Variants in F8 observed in about 807,000 individuals in gnomAD.
The protein encoded by F8 is coagulation factor VIII, also known as antihemophilic factor.
Under a neutral mutation model 140.6 loss-of-function variants are expected in F8, and 12 were observed. The observed-to-expected ratio is 0.09, with a 90% CI of 0.05 to 0.14. F8 has a LOEUF of 0.14. Among genes scored for constraint, F8 ranks in the 10% least tolerant of loss-of-function variants. F8 has a pLI of 1.00. For synonymous variants in F8, 585 were observed against 614.6 expected (o/e 0.95, Z 0.71); for missense variants, 1,354 against 1,720.7 (o/e 0.79, Z 3.77).
intron 3 of F8, 51 bp from the exon 4 acceptor site, chrX:154,993,199 A>G (rs2073598382): frequency 9.8e-7 from 1 of 1,015,846 alleles, no homozygotes; most frequent in African/African-American, 1.9e-5. Context: ...TGTACACTCA[A>G]AGAAACATGT....
intron 6 of F8, 144 bp downstream of exon 6, chrX:154,984,543 C>A: frequency 3.7e-6 from 2 of 539,309 alleles, no homozygotes; most frequent in Non-Finnish European, 6.6e-6. Flanking sequence ...GCCTACTATA[C>A]ATTAAGATCC....
Position 154,961,168 on chromosome X carries a change from T to C in F8, c.1444A>G (p.Ile482Val). 8.7e-7 allele frequency: 1 copy of C among 1,149,886 alleles called. No individual in the cohort carries two copies. The highest frequency in any genetic ancestry group is 1.2e-6 in the Non-Finnish European group (1 of 839,599). 94.8% of individuals were successfully genotyped at this position (1,149,886 alleles called of 1,213,427 possible). A position where few individuals can be genotyped will look rare whatever the true frequency, so the allele number is the denominator to read the frequency against. The change falls in exon 10 of 26, where the codon ATT becomes GTT. Residue 482 changes from isoleucine to valine, a missense_variant and splice_region_variant. Transcript: ENST00000360256. ...LYGEVGDTLL[I>V]IFKNQASRPY... is the part of the protein sequence containing the mutation. ...CTGCTTGCTTGATTCTTAAATATAATCTGAAAGTATAAGCGAGATCTAAGA... is the reference window on the plus strand; with the variant it reads ...CTGCTTGCTTGATTCTTAAATATAACCTGAAAGTATAAGCGAGATCTAAGA...
chrX:154,899,112 C>T (rs1250877260), intron 21 of F8, among the ~76,000 whole-genome samples: 1 of 112,176 alleles, frequency 8.9e-6, no homozygotes, highest in Non-Finnish European at 1.9e-5. Context: ...CACAAACCAA[C>T]AAAAAATACT....
intron 11 of F8, among the ~76,000 whole-genome samples, chrX:154,956,376 A>G (rs1557281200): frequency 8.9e-6 from 1 of 112,452 alleles, no homozygotes; most frequent in African/African-American, 3.2e-5. Flanking sequence ...GGAAATTATA[A>G]GAGTATTGGT....
intron 7 of F8, among the ~76,000 whole-genome samples, chrX:154,968,457 C>G (rs782342572): frequency 2.0e-4 from 22 of 111,720 alleles, no homozygotes; most frequent in African/African-American, 6.8e-4. Flanking sequence ...CACAAACTGA[C>G]TAAGAGCCTT....
intron 25 of F8, among the ~76,000 whole-genome samples, chrX:154,847,135 G>A (rs1341549771): frequency 3.6e-5 from 4 of 112,346 alleles, no homozygotes; most frequent in Non-Finnish European, 7.5e-5. Flanking sequence ...GGCTTGTAGA[G>A]TTTCTGCCAA....
intron 7 of F8, among the ~76,000 whole-genome samples, chrX:154,967,960 C>G (rs186504007): frequency 9.0e-6 from 1 of 111,629 alleles, no homozygotes; most frequent in East Asian, 2.8e-4. Flanking sequence ...ATGGCAAGAT[C>G]AATTCTCTTT....
rs1247511232 is a variant in F8 at position 154,835,953 on chromosome X, A to G, written c.*1644T>C. On this transcript the variant is annotated 3_prime_UTR_variant, in exon 26 of 26. Transcript: ENST00000360256. ...GTTAAACATAACAGGAAATAAAACCATATCACCTTTGGGGTTAACTCCTCT... is the reference window on the plus strand; with the variant it reads ...GTTAAACATAACAGGAAATAAAACCGTATCACCTTTGGGGTTAACTCCTCT... 8.9e-6 allele frequency: 1 copy of G among 112,289 alleles called. No homozygotes were observed. The highest frequency in any genetic ancestry group is 2.8e-4 in the East Asian group (1 of 3,591). 9.3% of individuals were successfully genotyped at this position (112,289 alleles called of 1,213,427 possible).
At chrX:154,932,702 A>C (rs1341174243) in intron 13 of F8, among the ~76,000 whole-genome samples, 1 of 111,611 alleles carries the variant, frequency 9.0e-6, no homozygotes, top group Non-Finnish European at 1.9e-5. Flanking sequence ...AATGTTTGCC[A>C]CCAAAATAAA....
Position 154,931,654 on chromosome X carries a change from G to A in F8, c.2136C>T (p.His712=). ...TGCCTCTGTTCCGAAAGTCTGAGTTGTGGCACCCCAGAATCCATAGACCTG... is the reference window on the plus strand; with the variant it reads ...TGCCTCTGTTCCGAAAGTCTGAGTTATGGCACCCCAGAATCCATAGACCTG... The part of the protein sequence containing the change: ...ENPGLWILGC[H]NSDFRNRGMT... The change falls in exon 14 of 26, where the codon CAC becomes CAT. Residue 712 remains histidine, a synonymous_variant. Coordinates refer to ENST00000360256, the MANE Select transcript of F8 (RefSeq NM_000132.4). 1 of 1,211,127 alleles carries A rather than the reference G, an allele frequency of 8.3e-7. No homozygotes were observed. Among genetic ancestry groups the A allele is most frequent in the Non-Finnish European group, 1.1e-6 (1 of 894,961 alleles).
chrX:155,000,420 G>A (rs2124149940), intron 1 of F8, among the ~76,000 whole-genome samples: 1 of 112,313 alleles, frequency 8.9e-6, no homozygotes, highest in African/African-American at 3.2e-5. Flanking sequence ...GAGCAGTTCT[G>A]CAGCTTTCTC....
At chrX:154,905,619 G>C (rs1329522408) in intron 15 of F8, among the ~76,000 whole-genome samples, 1 of 111,290 alleles carries the variant, frequency 9.0e-6, no homozygotes, top group Non-Finnish European at 1.9e-5. Flanking sequence ...ATAACTTTTA[G>C]TCTACAGGAA....
rs1557274896 is a variant in F8, at chrX:154,888,408, C to CTTTTTTTTTTTTTTT, written c.6429+7668_6429+7669insAAAAAAAAAAAAAAA. Reference sequence around the variant, plus strand: ...TTTTTTTTTTTTTTTTTTTTTTTTCCCCCCGAGATGGAGTCTCACTCTGTC... The same window carrying CTTTTTTTTTTTTTTT: ...TTTTTTTTTTTTTTTTTTTTTTTTCCTTTTTTTTTTTTTTTCCCCGAGATGGAGTCTCACTCTGTC... On this transcript the variant is annotated intron_variant, in intron 22 of 25. Coordinates refer to ENST00000360256, the MANE Select transcript of F8 (RefSeq NM_000132.4). 4.7e-3 allele frequency among the ~76,000 whole-genome samples: 249 copies of CTTTTTTTTTTTTTTT among 53,132 alleles called. 3 individuals are homozygous for CTTTTTTTTTTTTTTT. The highest frequency in any genetic ancestry group is 6.3e-3 in the Non-Finnish European group (200 of 31,645). The allele number at this position is 53,132 out of a possible 115,157, so 46.1% of individuals were successfully genotyped here.
chrX:154,992,897 T>C (rs1198660037), intron 4 of F8, 39 bp downstream of exon 4: 1 of 1,138,121 alleles, frequency 8.8e-7, no homozygotes, highest in Non-Finnish European at 1.2e-6. Flanking sequence ...TGTACTTCTC[T>C]GCTTATTTCA....
chrX:154,935,995 C>CAT (rs1266365957), intron 13 of F8, among the ~76,000 whole-genome samples: 1 of 108,350 alleles, frequency 9.2e-6, no homozygotes, highest in African/African-American at 3.4e-5. Flanking sequence ...CACACACACA[C>CAT]ACACACACAC....
At chrX:154,863,907 CA>C (rs782630385) in intron 22 of F8, among the ~76,000 whole-genome samples, 13 of 111,477 alleles carry the variant, frequency 1.2e-4, no homozygotes, top group Non-Finnish European at 1.9e-4. Flanking sequence ...CTGGGAGGAG[CA>C]ACTCCCATTG....
At chrX:155,005,296 G>T in intron 1 of F8, among the ~76,000 whole-genome samples, 1 of 111,657 alleles carries the variant, frequency 9.0e-6, no homozygotes, top group South Asian at 3.8e-4. Context: ...ATATTTGGCA[G>T]CCAGGTCATC....
At chrX:154,984,629 A>G (rs1263700630) in intron 6 of F8, 58 bp downstream of exon 6, 6 of 882,227 alleles carry the variant, frequency 6.8e-6, no homozygotes, top group Non-Finnish European at 1.0e-5. Context: ...ACTGAAGTAC[A>G]GAACTCTGGT....
At chrX:154,934,960 C>T (rs2073215694) in intron 13 of F8, among the ~76,000 whole-genome samples, 1 of 110,284 alleles carries the variant, frequency 9.1e-6, no homozygotes, top group African/African-American at 3.3e-5. Context: ...GCTTGGAGTT[C>T]AAGACCAGCC....
Sources: allele counts gnomAD v4.1 joint callset (sites outside exome capture counted in the v4.1 genomes callset), GRCh38; gene constraint gnomAD v4.1.1; transcripts MANE v1.5; gene names NCBI Gene and HGNC (gene_info 2026-07-23, HGNC 2026-07-21).